Variants in GALNT17 observed in about 807,000 individuals in gnomAD.
The protein encoded by GALNT17 is UDP-GalNAc:polypeptide N-acetylgalactosaminyltransferase-like 3.
GALNT17 carries 29 observed loss-of-function variants against 63.7 expected under a neutral mutation model. That is an observed-to-expected ratio of 0.46 (90% CI 0.34 to 0.62). The LOEUF (loss-of-function observed/expected upper bound fraction) is 0.62, where lower values mean the gene tolerates loss of function less well. GALNT17 is among the 20% of genes least tolerant of loss of function. The pLI is 0.01. For synonymous variants in GALNT17, 305 were observed against 318.3 expected (o/e 0.96, Z 0.45); for missense variants, 603 against 799.6 (o/e 0.75, Z 2.97).
intron 1 of GALNT17, among the ~76,000 whole-genome samples, chr7:71,144,976 C>T (rs761285642): frequency 7.9e-5 from 12 of 152,104 alleles, no homozygotes; most frequent in Non-Finnish European, 1.6e-4. Flanking sequence ...GATTTGCCCA[C>T]CTTGGCCTCC....
intron 2 of GALNT17, among the ~76,000 whole-genome samples, chr7:71,382,977 A>G (rs1792874166): frequency 6.6e-6 from 1 of 152,172 alleles, no homozygotes; most frequent in South Asian, 2.1e-4. Flanking sequence ...TCTGAAACAG[A>G]AACACTGCAC....
At position 71,185,127 on chromosome 7, in the gene GALNT17, C is replaced by T. The variant is rs533573147; in HGVS notation, c.238+52087C>T. The stretch of plus-strand genomic sequence containing the variant: ...TTCCTCCCCTGCCCTCGCCTCCCTT[C>T]CCCTCTCCTCCCCTCCCGTCCCCTC... On this transcript the variant is annotated intron_variant, in intron 1 of 10. Transcript: ENST00000333538. Among the ~76,000 whole-genome samples, 54 of 145,302 alleles carry T rather than the reference C, an allele frequency of 3.7e-4. 1 individual carries two copies. The highest frequency in any genetic ancestry group is 1.4e-3 in the African/African-American group (53 of 39,144).
chr7:71,669,323 C>G (rs1424322776), intron 7 of GALNT17, among the ~76,000 whole-genome samples: 1 of 152,000 alleles, frequency 6.6e-6, no homozygotes, highest in Non-Finnish European at 1.5e-5. Flanking sequence ...TGAGACCAAC[C>G]TGACCAACAT....
chr7:71,229,928 G>T (rs972333285), intron 1 of GALNT17, among the ~76,000 whole-genome samples: 2 of 152,222 alleles, frequency 1.3e-5, no homozygotes, highest in Admixed American at 6.5e-5. Flanking sequence ...CCAGAGGCCA[G>T]CTGGGCCTGT....
intron 1 of GALNT17, among the ~76,000 whole-genome samples, chr7:71,202,475 A>G (rs1165148725): frequency 1.3e-5 from 2 of 152,132 alleles, no homozygotes; most frequent in African/African-American, 4.8e-5. Context: ...TTTTTTCCAT[A>G]TTAGTATTTT....
At chr7:71,637,441 G>A (rs979178343) in intron 6 of GALNT17, among the ~76,000 whole-genome samples, 12 of 151,042 alleles carry the variant, frequency 7.9e-5, no homozygotes, top group African/African-American at 2.4e-4. Flanking sequence ...CACCTGCCTC[G>A]GCCTCCCAAA....
At chr7:71,339,293 G>C (rs770248574) in intron 2 of GALNT17, among the ~76,000 whole-genome samples, 2 of 152,234 alleles carry the variant, frequency 1.3e-5, no homozygotes, top group Non-Finnish European at 2.9e-5. Flanking sequence ...GTCAGCACAA[G>C]GGTATGTGCC....
chr7:71,538,321 C>A (rs1788832853), intron 5 of GALNT17, among the ~76,000 whole-genome samples: 1 of 152,176 alleles, frequency 6.6e-6, no homozygotes, highest in African/African-American at 2.4e-5. Flanking sequence ...CCCCTCTCCT[C>A]CACGAAAGAG....
At chr7:71,303,698 T>C (rs777026117) in intron 1 of GALNT17, among the ~76,000 whole-genome samples, 34 of 152,022 alleles carry the variant, frequency 2.2e-4, no homozygotes, top group Non-Finnish European at 4.4e-4. Flanking sequence ...ATTACTGCCT[T>C]TTTTTTTCTT....
At chr7:71,561,565 A>C (rs1363631357) in intron 5 of GALNT17, among the ~76,000 whole-genome samples, 4 of 152,222 alleles carry the variant, frequency 2.6e-5, no homozygotes, top group African/African-American at 9.6e-5. Flanking sequence ...AAAAGCAGCA[A>C]GTCCCAGCAG....
At chr7:71,194,856 A>G (rs1685632265) in intron 1 of GALNT17, among the ~76,000 whole-genome samples, 1 of 152,208 alleles carries the variant, frequency 6.6e-6, no homozygotes, top group Non-Finnish European at 1.5e-5. Context: ...TCAGATTTGT[A>G]CAGCCCTGTT....
intron 5 of GALNT17, among the ~76,000 whole-genome samples, chr7:71,481,843 A>G (rs565423098): frequency 3.3e-5 from 5 of 151,864 alleles, no homozygotes; most frequent in Non-Finnish European, 7.4e-5. Context: ...GCTCCAGCTT[A>G]AGTTTGTGGG....
Position 71,416,017 on chromosome 7 carries a change from C to A in GALNT17, c.718C>A (p.Gln240Lys). ...TGAGGGCTGGAAGGTGGCTACCGGG[C>A]AGGTCACTGGCTTCTTTGATGCCCA... ...RIEGWKVATGQVTGFFDAHVE... is the reference protein window; with the variant it reads ...RIEGWKVATGKVTGFFDAHVE... The change falls in exon 4 of 11, where the codon CAG becomes AAG. Residue 240 changes from glutamine to lysine, a missense_variant. Physicochemically the swap from Gln to Lys is moderately conservative, Grantham distance 53. Coordinates refer to ENST00000333538, the MANE Select transcript of GALNT17 (RefSeq NM_022479.3). 6.2e-7 allele frequency: 1 copy of A among 1,613,452 alleles called. No individual in the cohort carries two copies. Among genetic ancestry groups the A allele is most frequent in the Non-Finnish European group, 8.5e-7 (1 of 1,179,734 alleles).
chr7:71,544,982 G>A (rs988435171), intron 5 of GALNT17, among the ~76,000 whole-genome samples: 2 of 152,074 alleles, frequency 1.3e-5, no homozygotes, highest in African/African-American at 4.8e-5. Flanking sequence ...TTGAATGTAG[G>A]GCATTTAGTA....
intron 6 of GALNT17, among the ~76,000 whole-genome samples, chr7:71,618,287 G>T (rs961665359): frequency 1.3e-5 from 2 of 152,182 alleles, no homozygotes; most frequent in Non-Finnish European, 2.9e-5. Context: ...GAGTGCAGGT[G>T]TCTTTTTGGT....
At chr7:71,512,818 T>TG (rs1788383258) in intron 5 of GALNT17, among the ~76,000 whole-genome samples, 1 of 151,594 alleles carries the variant, frequency 6.6e-6, no homozygotes, top group Non-Finnish European at 1.5e-5. Flanking sequence ...AGTGGTGGAG[T>TG]GGGGAGAATG....
At chr7:71,487,487 C>T (rs898897262) in intron 5 of GALNT17, among the ~76,000 whole-genome samples, 1 of 152,114 alleles carries the variant, frequency 6.6e-6, no homozygotes, top group African/African-American at 2.4e-5. Context: ...AGAGTCAAGC[C>T]AAGCCTGGAT....
chr7:71,412,632 T>C (rs1334485077), intron 3 of GALNT17, among the ~76,000 whole-genome samples: 1 of 152,152 alleles, frequency 6.6e-6, no homozygotes, highest in African/African-American at 2.4e-5. Context: ...TTTTCTCACC[T>C]CCAGACCATT....
intron 1 of GALNT17, among the ~76,000 whole-genome samples, chr7:71,136,559 C>T (rs1419741186): frequency 1.3e-5 from 2 of 151,958 alleles, no homozygotes; most frequent in African/African-American, 2.4e-5. Flanking sequence ...GATCTCCGCT[C>T]GCTGCAGTCT....
Sources: gnomAD v4.1 joint callset for allele counts (sites outside exome capture counted in the v4.1 genomes callset) on GRCh38, gnomAD v4.1.1 for gene constraint, MANE v1.5 for transcripts, NCBI Gene and HGNC (gene_info 2026-07-23, HGNC 2026-07-21) for gene names.